The following ATL1 variants were observed in gnomAD, a reference collection of about 807,000 sequenced individuals.
ATL1 encodes atlastin-1.
In ATL1, 31 loss-of-function variants were observed where a neutral mutation model predicts 75.5. That is an observed-to-expected ratio of 0.41 (90% CI 0.31 to 0.55). ATL1 has a LOEUF of 0.55. Ranked by LOEUF, ATL1 falls within the 20% of genes least tolerant of loss-of-function variation. The probability of loss-of-function intolerance (pLI) is 0.27; values close to 1 mark genes in which losing one functional copy is unlikely to be tolerated. For missense variants in ATL1, 405 were observed against 662.6 expected (o/e 0.61, Z 4.27); for synonymous variants, 226 against 233.3 (o/e 0.97, Z 0.28).
At chr14:50,590,813 A>G in intron 2 of ATL1, 128 bp from the exon 3 acceptor site, 1 of 910,148 alleles carries the variant, frequency 1.1e-6, no homozygotes, top group Non-Finnish European at 1.7e-6. Flanking sequence ...GATGGTATCA[A>G]TGCAATAGAT....
At chr14:50,615,296 T>C (rs2039404390) in intron 8 of ATL1, among the ~76,000 whole-genome samples, 1 of 152,196 alleles carries the variant, frequency 6.6e-6, no homozygotes, top group Non-Finnish European at 1.5e-5. Context: ...ATTTGTTTAA[T>C]TTACTGTGGC....
At chr14:50,558,865 G>A (rs2038797919), upstream of ATL1, among the ~76,000 whole-genome samples, 1 of 152,210 alleles carries the variant, frequency 6.6e-6, no homozygotes, top group South Asian at 2.1e-4. Flanking sequence ...ACTCTGTTGA[G>A]CACAGACTTC....
chr14:50,615,968 T>C lies in ATL1; in HGVS notation c.862+1457T>C, dbSNP rs542584245. 2.6e-4 allele frequency among the ~76,000 whole-genome samples: 39 copies of C among 152,262 alleles called. No homozygotes were observed. In the South Asian group the frequency reaches 8.1e-3, roughly 32 times the overall value. ...CACGGAGAGAGTTTAAGACAAATCA[T>C]GCAAATGCAGAATCCTACTTATTAT... is the stretch of plus-strand genomic sequence containing the variant. On this transcript the variant is annotated intron_variant, in intron 8 of 13. Transcript: ENST00000358385.
In ATL1 at chr14:50,632,274, T is replaced by A. The variant is rs200185276; in HGVS notation, c.1612T>A (p.Tyr538Asn). ...TGCAGCAGCAACCCACAGACATCTG[T>A]ATCATCAAGCTTTCCCTACACCAAA... is the stretch of plus-strand genomic sequence containing the variant. ...YSAAATHRHL[Y>N]HQAFPTPKSE... Residue 538 changes from tyrosine to asparagine, a missense_variant, in exon 14 of 14, where the codon TAT (tyrosine) becomes AAT (asparagine). Coordinates refer to ENST00000358385, the MANE Select transcript of ATL1 (RefSeq NM_015915.5). The A allele has an allele frequency of 1.1e-5, 17 of 1,612,420 alleles. No individual in the cohort carries two copies. The East Asian group carries it at 3.6e-4, about 34-fold the overall frequency.
intron 10 of ATL1, 133 bp downstream of exon 10, chr14:50,622,032 T>A (rs1035647863): frequency 9.5e-6 from 7 of 733,196 alleles, no homozygotes; most frequent in Non-Finnish European, 1.7e-5. Flanking sequence ...ACTTTACCTA[T>A]TTATGTGTTC....
chr14:50,606,186 A>G (rs1456472793), intron 6 of ATL1, among the ~76,000 whole-genome samples: 2 of 152,018 alleles, frequency 1.3e-5, no homozygotes, highest in Non-Finnish European at 2.9e-5. Context: ...TTATTATTTG[A>G]AGCAGCTAAC....
intron 1 of ATL1, among the ~76,000 whole-genome samples, chr14:50,565,983 C>CTGTTT (rs2038899617): frequency 6.6e-6 from 1 of 151,936 alleles, no homozygotes; most frequent in Admixed American, 6.6e-5. Flanking sequence ...TAAGGACAAC[C>CTGTTT]TGTTTTGTTT....
intron 1 of ATL1, among the ~76,000 whole-genome samples, chr14:50,560,781 G>T (rs1210202389): frequency 6.6e-6 from 1 of 152,134 alleles, no homozygotes; most frequent in Non-Finnish European, 1.5e-5. Context: ...GGCTCCCGGC[G>T]GCGGGCGGCG....
chr14:50,565,477 T>C (rs1440702925), intron 1 of ATL1, among the ~76,000 whole-genome samples: 1 of 56,922 alleles, frequency 1.8e-5, no homozygotes, highest in African/African-American at 3.8e-5. Context: ...AGAATGAGAC[T>C]TCATCTCAAA....
chr14:50,600,474 A>G (rs1470055546), intron 6 of ATL1, among the ~76,000 whole-genome samples: 1 of 152,232 alleles, frequency 6.6e-6, no homozygotes, highest in East Asian at 1.9e-4. Flanking sequence ...ATCCAAAGTT[A>G]TTTTATAGTA....
At chr14:50,611,509 A>T (rs567817373) in intron 6 of ATL1, among the ~76,000 whole-genome samples, 4 of 152,246 alleles carry the variant, frequency 2.6e-5, no homozygotes, top group East Asian at 3.9e-4. Context: ...GAGGAGTGGT[A>T]AGAGGAAATC....
chr14:50,601,593 T>C (rs368198306), intron 6 of ATL1, among the ~76,000 whole-genome samples: 4 of 152,214 alleles, frequency 2.6e-5, no homozygotes, highest in African/African-American at 9.6e-5. Context: ...TTTTGCAACC[T>C]CTAATGAGCC....
rs2038983409 is a variant in ATL1 at position 50,574,580 on chromosome 14, T to A, written c.35-13251T>A. ...TTTAGAAAACAACTGTGTCTAAAAC[T>A]GACTTTTTTCAGTGACTACAAAGGC... On this transcript the variant is annotated intron_variant, in intron 1 of 13. Coordinates refer to ENST00000358385, the MANE Select transcript of ATL1 (RefSeq NM_015915.5). Among the ~76,000 whole-genome samples, 5 of 152,204 alleles carry A rather than the reference T, an allele frequency of 3.3e-5. 1 individual carries two copies. The highest frequency in any genetic ancestry group is 3.3e-4 in the Admixed American group (5 of 15,278).
intron 9 of ATL1, among the ~76,000 whole-genome samples, chr14:50,621,090 G>A (rs1389381071): frequency 6.6e-6 from 1 of 152,024 alleles, no homozygotes; most frequent in African/African-American, 2.4e-5. Context: ...TTTCCCCAAG[G>A]GGATACCTTC....
At chr14:50,627,073 A>G (rs1430372903) in intron 11 of ATL1, among the ~76,000 whole-genome samples, 2 of 152,254 alleles carry the variant, frequency 1.3e-5, no homozygotes, top group Non-Finnish European at 2.9e-5. Context: ...GAAGTCTATC[A>G]ATATGGCAAA....
intron 1 of ATL1, among the ~76,000 whole-genome samples, chr14:50,582,489 A>C (rs2039065577): frequency 6.7e-6 from 1 of 149,842 alleles, no homozygotes; most frequent in South Asian, 2.1e-4. Context: ...AGCTCACTGC[A>C]ACCTCTGCCT....
rs1170703096 is a variant in ATL1 at position 50,580,786 on chromosome 14, T to C, written c.35-7045T>C. 3.3e-5 allele frequency among the ~76,000 whole-genome samples: 5 copies of C among 152,110 alleles called. No individual in the cohort carries two copies. In the South Asian group the frequency reaches 1.0e-3, roughly 31 times the overall value. On this transcript the variant is annotated intron_variant, in intron 1 of 13. Coordinates refer to ENST00000358385, the MANE Select transcript of ATL1 (RefSeq NM_015915.5). ...GAAGTTTGTGTAAGATTGCTCTTCG[T>C]TGTTTTCTAAATGTTTAGAAGAGTT...
At chr14:50,592,712 C>T (rs1348854867) in intron 4 of ATL1, among the ~76,000 whole-genome samples, 1 of 151,584 alleles carries the variant, frequency 6.6e-6, no homozygotes, top group African/African-American at 2.4e-5. Flanking sequence ...GAGATCGAGA[C>T]CATCCTGGCT....
At chr14:50,624,480 A>G (rs575928399) in intron 11 of ATL1, among the ~76,000 whole-genome samples, 87 of 152,102 alleles carry the variant, frequency 5.7e-4, no homozygotes, top group African/African-American at 1.9e-3. Flanking sequence ...TAATCGATAA[A>G]TGTGTTTTCT....
Sources: allele counts gnomAD v4.1 joint callset (sites outside exome capture counted in the v4.1 genomes callset), GRCh38; gene constraint gnomAD v4.1.1; transcripts MANE v1.5; gene names NCBI Gene and HGNC (gene_info 2026-07-23, HGNC 2026-07-21).